The following ANKRD50 variants were observed in gnomAD, a reference collection of about 807,000 sequenced individuals.
The protein encoded by ANKRD50 is ankyrin repeat domain 50.
A neutral mutation model predicts 112.0 loss-of-function variants in ANKRD50; 40 were observed. That is an observed-to-expected ratio of 0.36 (90% CI 0.28 to 0.46). The LOEUF (loss-of-function observed/expected upper bound fraction) is 0.46. Ranked by LOEUF, ANKRD50 falls within the 20% of genes least tolerant of loss-of-function variation. The pLI is 1.00. For synonymous variants in ANKRD50, 613 were observed against 619.1 expected, an observed-to-expected ratio of 0.99 and a Z score of 0.15; for missense variants, 1,487 against 1,701.7, an observed-to-expected ratio of 0.87 and a Z score of 2.22.
intron 2 of ANKRD50, among the ~76,000 whole-genome samples, chr4:124,689,232 G>GGAAT (rs1256226598): frequency 6.6e-6 from 1 of 152,098 alleles, no homozygotes; most frequent in Non-Finnish European, 1.5e-5. Context: ...AAATATTTAT[G>GGAAT]GAATGAATGA....
intron 2 of ANKRD50, among the ~76,000 whole-genome samples, chr4:124,685,114 TA>T (rs1376077561): frequency 6.6e-6 from 1 of 152,180 alleles, no homozygotes; most frequent in Non-Finnish European, 1.5e-5. Flanking sequence ...CTTGTTGTGT[TA>T]CTTCTGTACT....
At chr4:124,706,683 T>G (rs542944801) in intron 2 of ANKRD50, among the ~76,000 whole-genome samples, 1 of 152,204 alleles carries the variant, frequency 6.6e-6, no homozygotes, top group South Asian at 2.1e-4. Flanking sequence ...CGGATGCTCC[T>G]TAACCTATGA....
chr4:124,688,483 T>C (rs1451896550), intron 2 of ANKRD50, among the ~76,000 whole-genome samples: 1 of 152,134 alleles, frequency 6.6e-6, no homozygotes, highest in Non-Finnish European at 1.5e-5. Context: ...AAACCTGTAC[T>C]CTACAAACAG....
intron 2 of ANKRD50, among the ~76,000 whole-genome samples, chr4:124,684,276 A>C (rs544612561): frequency 2.0e-5 from 3 of 152,228 alleles, no homozygotes; most frequent in African/African-American, 7.2e-5. Context: ...TTAAAAGTTG[A>C]GTGTATGCAG....
Position 124,684,178 on chromosome 4 carries a change from T to C in ANKRD50, c.513-5273A>G, listed in dbSNP as rs191401450. On this transcript the variant is annotated intron_variant, in intron 2 of 4. Transcript: ENST00000504087. Reference sequence around the variant, plus strand: ...TTTATGGTGTTTCTTATGCCCTGTTTTTCACATTCCTTCCCCATTTGTTCT... The same window carrying C: ...TTTATGGTGTTTCTTATGCCCTGTTCTTCACATTCCTTCCCCATTTGTTCT... Among the ~76,000 whole-genome samples, 268 of 152,288 alleles carry C rather than the reference T, an allele frequency of 1.8e-3. 1 individual carries two copies. The highest frequency in any genetic ancestry group is 3.7e-3 in the South Asian group (18 of 4,826).
rs1223075683 is a variant in ANKRD50 at position 124,710,244 on chromosome 4, G to A, written c.268C>T (p.Leu90Phe). 3.7e-6 allele frequency: 6 copies of A among 1,614,088 alleles called. No homozygotes were observed. Among genetic ancestry groups the A allele is most frequent in the Non-Finnish European group, 4.2e-6 (5 of 1,180,046 alleles). Residue 90 changes from leucine (L) to phenylalanine (F), a missense_variant, in exon 2 of 5, where the codon CTC (leucine) becomes TTC (phenylalanine). This residue lies in a region of ANKRD50 where 1,046 missense variants were observed against 1,269.5 expected (regional missense o/e 0.82). Coordinates refer to ENST00000504087, the MANE Select transcript of ANKRD50 (RefSeq NM_020337.3). ...CTTGCAGGTGAACTTGGCCATAAGA[G>A]TTCAGTACATAGGGCCGTCTTGCCA... is the stretch of plus-strand genomic sequence containing the variant. ...GSGKTALCTE[L>F]LWPSSPASLQ... is the part of the protein sequence containing the mutation.
chr4:124,689,903 T>G (rs1219011935), intron 2 of ANKRD50, among the ~76,000 whole-genome samples: 1 of 138,414 alleles, frequency 7.2e-6, no homozygotes, highest in Non-Finnish European at 1.5e-5. Context: ...GGTTACTTTA[T>G]TAAATTTACT....
chr4:124,709,801 C>T (rs1725587374), intron 2 of ANKRD50, among the ~76,000 whole-genome samples, 199 bp downstream of exon 2: 1 of 152,086 alleles, frequency 6.6e-6, no homozygotes, highest in East Asian at 1.9e-4. Flanking sequence ...CCATTTTAAT[C>T]CATATGCTGT....
At chr4:124,697,134 C>G (rs1427224675) in intron 2 of ANKRD50, among the ~76,000 whole-genome samples, 1 of 151,974 alleles carries the variant, frequency 6.6e-6, no homozygotes, top group African/African-American at 2.4e-5. Flanking sequence ...TGAACATGTT[C>G]AACATTAGAA....
intron 3 of ANKRD50, among the ~76,000 whole-genome samples, chr4:124,674,749 TAC>T (rs1468364005): frequency 2.0e-5 from 3 of 151,728 alleles, no homozygotes; most frequent in African/African-American, 4.8e-5. Context: ...AAAGAAAACT[TAC>T]AGAGAATTTA....
At chr4:124,684,590 A>G (rs770897013) in intron 2 of ANKRD50, among the ~76,000 whole-genome samples, 1 of 152,152 alleles carries the variant, frequency 6.6e-6, no homozygotes, top group Non-Finnish European at 1.5e-5. Context: ...GGATCAAATG[A>G]GAGCTTTTGT....
intron 2 of ANKRD50, among the ~76,000 whole-genome samples, chr4:124,688,953 G>A (rs1009377544): frequency 6.6e-6 from 1 of 152,046 alleles, no homozygotes; most frequent in East Asian, 1.9e-4. Context: ...TTATCCTTTA[G>A]AGATCAGCTC....
chr4:124,711,485 A>G (rs1219579446), intron 1 of ANKRD50, among the ~76,000 whole-genome samples: 1 of 152,206 alleles, frequency 6.6e-6, no homozygotes, highest in Non-Finnish European at 1.5e-5. Flanking sequence ...CTTCCCAAAC[A>G]GCCACATTTT....
chr4:124,672,830 T>C (rs1368263761), intron 3 of ANKRD50, among the ~76,000 whole-genome samples: 1 of 152,066 alleles, frequency 6.6e-6, no homozygotes, highest in African/African-American at 2.4e-5. Context: ...CAGACAGTCT[T>C]ACATAACCAT....
At position 124,699,065 on chromosome 4, in the gene ANKRD50, T is replaced by C. The variant is rs1725324287; in HGVS notation, c.512+10935A>G. Among the ~76,000 whole-genome samples the C allele has an allele frequency of 2.0e-5, 3 of 152,284 alleles. 1 individual carries two copies. Among genetic ancestry groups the C allele is most frequent in the South Asian group, 4.1e-4 (2 of 4,826 alleles). On this transcript the variant is annotated intron_variant, in intron 2 of 4. Coordinates refer to ENST00000504087, the MANE Select transcript of ANKRD50 (RefSeq NM_020337.3). Reference sequence around the variant, plus strand: ...CTAGAGTTTGTAACAATTACGTGTGTATACCTATATATCTCCCCTTATGGT... The same window carrying C: ...CTAGAGTTTGTAACAATTACGTGTGCATACCTATATATCTCCCCTTATGGT...
chr4:124,698,175 G>A (rs1725294235), intron 2 of ANKRD50, among the ~76,000 whole-genome samples: 1 of 151,934 alleles, frequency 6.6e-6, no homozygotes, highest in Admixed American at 6.6e-5. Context: ...TAGGTGAGGT[G>A]GGGTGGGATC....
rs755055726 is a variant in ANKRD50, at chr4:124,669,937, G to A, written c.3340C>T (p.His1114Tyr). 1 of 1,613,136 alleles carries A rather than the reference G, an allele frequency of 6.2e-7. No individual in the cohort carries two copies. The highest frequency in any genetic ancestry group is 8.5e-7 in the Non-Finnish European group (1 of 1,179,736). ...SLNGCSPSPV[H>Y]TMEQKPLQSL... is the part of the protein sequence containing the mutation. ...TGTAGAGGTTTTTGCTCCATTGTGT[G>A]AACAGGAGATGGGGAACAGCCATTC... Residue 1114 changes from histidine to tyrosine, a missense_variant, in exon 4 of 5, where the codon CAC becomes TAC. By Grantham distance (83) the His-to-Tyr change is moderately conservative. Around this residue, in one of 2 missense-constraint regions of ANKRD50, gnomAD observed 441 missense variants for 432.2 expected, o/e 1.02. Coordinates refer to ENST00000504087, the MANE Select transcript of ANKRD50 (RefSeq NM_020337.3).
rs749724499 is a variant in ANKRD50 at position 124,671,906 on chromosome 4, C to T, written c.1371G>A (p.Leu457=). 129 of 1,613,692 alleles carry T rather than the reference C, an allele frequency of 8.0e-5. 1 individual carries two copies. In the South Asian group the frequency reaches 1.1e-3, roughly 14 times the overall value. Reference sequence around the variant, plus strand: ...ATTGTAAGTTTGAGTTAATTAAGTGCAATGCAAATTCTTGTGCTTCCAATG... The same window carrying T: ...ATTGTAAGTTTGAGTTAATTAAGTGTAATGCAAATTCTTGTGCTTCCAATG... ...LTPLEAQEFA[L]HLINSNLQLE... is the part of the protein sequence containing the mutation. Residue 457 remains leucine, a synonymous_variant, in exon 4 of 5, where the codon TTG becomes TTA. Transcript: ENST00000504087.
intron 3 of ANKRD50, 25 bp from the exon 4 acceptor site, chr4:124,672,559 T>C (rs763104677): frequency 6.7e-6 from 10 of 1,488,074 alleles, no homozygotes; most frequent in South Asian, 6.3e-5. Flanking sequence ...AAAAAGTAGA[T>C]GTAATCAGTT....
Sources: allele counts gnomAD v4.1 joint callset (sites outside exome capture counted in the v4.1 genomes callset), GRCh38; gene constraint gnomAD v4.1.1; regional missense constraint gnomAD v4.1.1; transcripts MANE v1.5; gene names NCBI Gene and HGNC (gene_info 2026-07-23, HGNC 2026-07-21).